The following TACC2 variants were observed in gnomAD, a reference collection of about 807,000 sequenced individuals.
The protein encoded by TACC2 is transforming acidic coiled-coil-containing protein 2.
TACC2 carries 137 observed loss-of-function variants against 227.3 expected under a neutral mutation model. The ratio of observed to expected loss-of-function variants is 0.60; its 90% CI spans 0.52 to 0.69. The LOEUF is 0.69. Among genes scored for constraint, TACC2 ranks in the 30% least tolerant of loss-of-function variants. The pLI is 0.00. For missense variants in TACC2, 3,470 were observed against 3,694.4 expected (o/e 0.94, Z 1.57); for synonymous variants, 1,523 against 1,487.5 (o/e 1.02, Z -0.55).
At chr10:122,118,826 A>T (rs1413345126) in intron 5 of TACC2, among the ~76,000 whole-genome samples, 2 of 152,206 alleles carry the variant, frequency 1.3e-5, no homozygotes, top group East Asian at 3.9e-4. Context: ...AAAGTTAGAG[A>T]GGAAGCTGAT....
At chr10:122,071,875 A>G (rs530138844) in intron 3 of TACC2, among the ~76,000 whole-genome samples, 2 of 141,892 alleles carry the variant, frequency 1.4e-5, no homozygotes, top group South Asian at 4.7e-4. Flanking sequence ...CAACAGAGTG[A>G]GACTCTGTCT....
chr10:122,228,035 C>A, intron 14 of TACC2, 27 bp downstream of exon 14: 1 of 1,605,310 alleles, frequency 6.2e-7, no homozygotes, highest in Non-Finnish European at 8.5e-7. Flanking sequence ...GGCCCCAGAT[C>A]ACAGGGGATG....
At position 122,213,413 on chromosome 10, in the gene TACC2, A is replaced by G. The variant is rs745789151; in HGVS notation, c.7283+1705A>G. 4.4e-6 allele frequency: 7 copies of G among 1,607,742 alleles called. No individual in the cohort carries two copies. The South Asian group carries it at 7.7e-5, about 18-fold the overall frequency. On this transcript the variant is annotated intron_variant, in intron 9 of 22. Coordinates refer to ENST00000369005, the MANE Select transcript of TACC2 (RefSeq NM_206862.4). ...TTAATGCAATCTGCCTCTTATGCCA[A>G]ATGTGCTTATTTTTCTGCCTTTTGT...
intron 3 of TACC2, among the ~76,000 whole-genome samples, chr10:122,066,631 G>A (rs1396072061): frequency 1.3e-5 from 2 of 152,064 alleles, no homozygotes; most frequent in Non-Finnish European, 2.9e-5. Flanking sequence ...TCAAACTCCT[G>A]ACCTCAAGTG....
intron 1 of TACC2, among the ~76,000 whole-genome samples, chr10:121,989,754 A>T (rs4752628): frequency 0.02 from 2,967 of 145,728 alleles, 78 homozygotes; most frequent in African/African-American, 0.061. Context: ...AATTAATTTT[A>T]TTTTTTTTTT....
chr10:122,249,487 G>A, intron 21 of TACC2, 57 bp from the exon 22 acceptor site: 2 of 1,588,246 alleles, frequency 1.3e-6, no homozygotes, highest in Non-Finnish European at 1.7e-6. Context: ...TGGGAAGCAG[G>A]AGGTGTCTCT....
At chr10:122,097,195 G>C (rs756707026) in intron 5 of TACC2, among the ~76,000 whole-genome samples, 24 of 152,200 alleles carry the variant, frequency 1.6e-4, no homozygotes, top group Non-Finnish European at 2.4e-4. Context: ...GTGGTGTGGT[G>C]GTACATGCCT....
intron 5 of TACC2, among the ~76,000 whole-genome samples, chr10:122,127,600 T>C (rs1459067933): frequency 2.0e-5 from 3 of 150,516 alleles, no homozygotes; most frequent in Non-Finnish European, 4.4e-5. Flanking sequence ...ATCTGACAGA[T>C]TTTTTTTTTC....
rs267602393 is a variant in TACC2 at position 122,248,659 on chromosome 10, G to A, written c.8409G>A (p.Glu2803=). The change falls in exon 20 of 23, where the codon GAG becomes GAA. Residue 2803 remains glutamate (E), a synonymous_variant. Transcript: ENST00000369005. ...IAQMIEDEQR[E]KSVSHQTVQQ... ...TCCTGCCAGAGGACGAACAGAGAGA[G>A]AAGTCAGTCTCCCACCAGACGGTGC... 1.2e-6 allele frequency: 2 copies of A among 1,613,480 alleles called. No individual in the cohort carries two copies. The highest frequency in any genetic ancestry group is 2.2e-5 in the South Asian group (2 of 91,030).
intron 8 of TACC2, among the ~76,000 whole-genome samples, chr10:122,201,652 C>T (rs1016389452): frequency 8.5e-5 from 13 of 152,244 alleles, no homozygotes; most frequent in African/African-American, 3.1e-4. Flanking sequence ...TCCACATCCA[C>T]ACAGGCACAG....
chr10:122,134,024 C>G (rs896741821), intron 6 of TACC2, among the ~76,000 whole-genome samples: 4 of 152,078 alleles, frequency 2.6e-5, no homozygotes, highest in African/African-American at 9.7e-5. Context: ...CTCTTCAAAA[C>G]TAGGAGGAGG....
In TACC2 at chr10:122,088,766, G is replaced by T. The variant is rs1025396009; in HGVS notation, c.5573+175G>T. 2.6e-6 allele frequency: 4 copies of T among 1,528,480 alleles called. No homozygotes were observed. The South Asian group carries it at 3.6e-5, about 14-fold the overall frequency. The allele number at this position is 1,528,480 out of a possible 1,614,324, so 94.7% of individuals were successfully genotyped here. A position where few individuals can be genotyped will look rare whatever the true frequency, so the allele number is the denominator to read the frequency against. ...ACAGCAGTACCTGGGATGACTAAAAGCTCCATTGTTGGAAAAGGGATTGAA... is the reference window on the plus strand; with the variant it reads ...ACAGCAGTACCTGGGATGACTAAAATCTCCATTGTTGGAAAAGGGATTGAA... On this transcript the variant is annotated intron_variant, in intron 5 of 22. Coordinates refer to ENST00000369005, the MANE Select transcript of TACC2 (RefSeq NM_206862.4).
chr10:122,087,346 G>A lies in TACC2; in HGVS notation c.4846G>A (p.Gly1616Arg), dbSNP rs199665884. The A allele has an allele frequency of 1.7e-5, 28 of 1,613,562 alleles. No homozygotes were observed. The East Asian group carries it at 2.2e-4, about 13-fold the overall frequency. Residue 1616 changes from glycine to arginine, a missense_variant, in exon 4 of 23, where the codon GGG becomes AGG. This residue lies in a region of TACC2 where 1,924 missense variants were observed against 1,978.3 expected (regional missense o/e 0.97). Transcript: ENST00000369005. The part of the protein sequence containing the change: ...CDSPHGEDGP[G>R]DFAHTGVPGH... ...CAGTCCACATGGAGAAGATGGTCCCGGGGACTTTGCTCACACAGGGGTTCC... is the reference window on the plus strand; with the variant it reads ...CAGTCCACATGGAGAAGATGGTCCCAGGGACTTTGCTCACACAGGGGTTCC...
intron 1 of TACC2, among the ~76,000 whole-genome samples, chr10:122,002,440 T>C (rs992216776): frequency 6.6e-6 from 1 of 151,938 alleles, no homozygotes; most frequent in Non-Finnish European, 1.5e-5. Flanking sequence ...TTTTTGTCTG[T>C]GTGTGTGTGT....
intron 22 of TACC2, among the ~76,000 whole-genome samples, chr10:122,253,165 C>T (rs966039156): frequency 1.3e-5 from 2 of 152,182 alleles, no homozygotes; most frequent in African/African-American, 4.8e-5. Flanking sequence ...GACTGATCTT[C>T]CATGGGAATC....
At chr10:122,132,517 C>G in intron 5 of TACC2, 92 bp from the exon 6 acceptor site, 2 of 1,513,628 alleles carry the variant, frequency 1.3e-6, no homozygotes, top group Non-Finnish European at 1.8e-6. Flanking sequence ...CCATTGCCCT[C>G]CAGCCTGGAT....
At chr10:122,043,260 A>T (rs1171624900) in intron 2 of TACC2, among the ~76,000 whole-genome samples, 1 of 152,196 alleles carries the variant, frequency 6.6e-6, no homozygotes, top group African/African-American at 2.4e-5. Context: ...ACATCAGAAC[A>T]TGTCACCTCT....
At chr10:122,058,355 T>C (rs1018982831) in intron 3 of TACC2, among the ~76,000 whole-genome samples, 2 of 152,172 alleles carry the variant, frequency 1.3e-5, no homozygotes, top group African/African-American at 4.8e-5. Flanking sequence ...GAAGCGCTTC[T>C]GTCACTTCCC....
At chr10:122,057,197 T>TA (rs2076292990) in intron 3 of TACC2, among the ~76,000 whole-genome samples, 1 of 151,704 alleles carries the variant, frequency 6.6e-6, no homozygotes, top group Non-Finnish European at 1.5e-5. Flanking sequence ...GTCTCAAACA[T>TA]AAAATAAAAA....
Sources: gnomAD v4.1 joint callset for allele counts (sites outside exome capture counted in the v4.1 genomes callset) on GRCh38, gnomAD v4.1.1 for gene constraint, gnomAD v4.1.1 regional missense constraint, MANE v1.5 for transcripts, NCBI Gene and HGNC (gene_info 2026-07-23, HGNC 2026-07-21) for gene names.